RGPD1: variants seen among roughly 807,000 people sequenced by gnomAD.
RGPD1 encodes the protein RANBP2 like and GRIP domain containing 1.
Under a neutral mutation model 40.6 loss-of-function variants are expected in RGPD1, and 7 were observed. The observed-to-expected ratio is 0.17, with a 90% CI of 0.10 to 0.32. The LOEUF (loss-of-function observed/expected upper bound fraction) is 0.32. RGPD1 is among the 10% of genes least tolerant of loss of function. RGPD1 has a pLI of 1.00. For missense variants in RGPD1, 50 were observed against 472.5 expected, an observed-to-expected ratio of 0.11 and a Z score of 8.29; for synonymous variants, 24 against 167.0, an observed-to-expected ratio of 0.14 and a Z score of 6.60.
At chr2:86,920,172 C>T (rs1236207166) in intron 1 of RGPD1, among the ~76,000 whole-genome samples, 6 of 151,874 alleles carry the variant, frequency 4.0e-5, no homozygotes, top group African/African-American at 9.7e-5. Context: ...TAAGTTGAAG[C>T]GATTCTTGTG....
At chr2:86,949,767 T>C (rs1680522614) in intron 1 of RGPD1, among the ~76,000 whole-genome samples, 1 of 42,760 alleles carries the variant, frequency 2.3e-5, no homozygotes, top group Non-Finnish European at 4.8e-5. Context: ...TATCAGCTTT[T>C]TTTTTTTTTT....
At chr2:86,914,319 CCTCGGCCTGGCCG>C (rs1183894332) in intron 1 of RGPD1, among the ~76,000 whole-genome samples, 3 of 51,744 alleles carry the variant, frequency 5.8e-5, no homozygotes, top group Non-Finnish European at 1.1e-4. Flanking sequence ...GCGGCGGCGG[CCTCGGCCTGGCCG>C]GGCGGCGGCG....
Position 86,942,289 on chromosome 2 carries a change from C to A in RGPD1, c.53C>A (p.Ser18Tyr), listed in dbSNP as rs1573605939. 2.5e-6 allele frequency: 4 copies of A among 1,602,828 alleles called. No homozygotes were observed. The change falls in exon 1 of 23, where the codon TCC (serine) becomes TAC (tyrosine). Residue 18 changes from serine (S) to tyrosine (Y), a missense_variant. Coordinates refer to ENST00000641458, the MANE Select transcript of RGPD1 (RefSeq NM_001382344.1). ...CGGTACGTCGCCTCGGTGCAGGGCT[C>A]CGCCCCGTCGCCTGGAAAGGTGAGT... ...GERYVASVQG[S>Y]APSPGKKLRG...
chr2:86,928,358 A>G (rs955822073), intron 1 of RGPD1, among the ~76,000 whole-genome samples: 2 of 152,166 alleles, frequency 1.3e-5, no homozygotes, highest in African/African-American at 4.8e-5. Flanking sequence ...AGAATAAATT[A>G]GAGGGGTAAT....
chr2:86,925,795 C>T (rs1296591376), intron 1 of RGPD1, among the ~76,000 whole-genome samples: 5 of 152,034 alleles, frequency 3.3e-5, no homozygotes, highest in Admixed American at 1.3e-4. Context: ...GTCTCGAACT[C>T]CTGGGCTCCA....
In RGPD1 at chr2:86,943,181, C is replaced by T. The variant is rs539757672; in HGVS notation, c.72+873C>T. On this transcript the variant is annotated intron_variant, in intron 1 of 22. Transcript: ENST00000641458. ...GGACATTTGCAGTGGCCCGACGGCG[C>T]AAATGACAGGGGAAGTCCCCTTGTT... Among the ~76,000 whole-genome samples, 17 of 151,130 alleles carry T rather than the reference C, an allele frequency of 1.1e-4. No homozygotes were observed. The South Asian group carries it at 3.6e-3, about 32-fold the overall frequency.
intron 1 of RGPD1, among the ~76,000 whole-genome samples, chr2:86,945,611 C>G (rs1680292295): frequency 6.6e-6 from 1 of 152,180 alleles, no homozygotes; most frequent in African/African-American, 2.4e-5. Flanking sequence ...TGTACTCCCT[C>G]ACATGTGCTT....
At chr2:86,928,769 T>TA (rs1678689982) in intron 1 of RGPD1, among the ~76,000 whole-genome samples, 1 of 152,206 alleles carries the variant, frequency 6.6e-6, no homozygotes, top group Non-Finnish European at 1.5e-5. Flanking sequence ...TTAGCATTGA[T>TA]AGAGTTGGAT....
chr2:86,931,147 A>G (rs1281963063), intron 1 of RGPD1, among the ~76,000 whole-genome samples: 4 of 138,098 alleles, frequency 2.9e-5, no homozygotes, highest in Non-Finnish European at 6.2e-5. Flanking sequence ...TCTCAGCTCC[A>G]TGATATACTC....
intron 1 of RGPD1, chr2:86,913,971 C>T (rs749094169): frequency 1.7e-6 from 2 of 1,164,714 alleles, no homozygotes; most frequent in East Asian, 1.2e-4. Flanking sequence ...GGGGCGGTGG[C>T]CTCGACCTGG....
intron 1 of RGPD1, among the ~76,000 whole-genome samples, chr2:86,947,712 C>T (rs1425302648): frequency 7.2e-6 from 1 of 139,828 alleles, no homozygotes; most frequent in Non-Finnish European, 1.6e-5. Context: ...ATTTCCTTAC[C>T]CTTATGTTCC....
chr2:86,938,983 A>G (rs1362106696), upstream of RGPD1, among the ~76,000 whole-genome samples: 1 of 118,878 alleles, frequency 8.4e-6, no homozygotes, highest in African/African-American at 3.2e-5. Flanking sequence ...GTAGTGCAAT[A>G]AAATGAGGTA....
intron 1 of RGPD1, among the ~76,000 whole-genome samples, chr2:86,931,728 T>TTCCC (rs1678980080): frequency 6.6e-6 from 1 of 151,598 alleles, no homozygotes; most frequent in Non-Finnish European, 1.5e-5. Flanking sequence ...CCAAGTAGTT[T>TTCCC]CTAAAGAGAG....
chr2:86,924,767 TTTTAA>T (rs762854423), intron 1 of RGPD1, among the ~76,000 whole-genome samples: 106 of 151,854 alleles, frequency 7.0e-4, no homozygotes, highest in Non-Finnish European at 1.2e-3. Flanking sequence ...TTTTAATTTC[TTTTAA>T]TTTAATTTAA....
chr2:86,955,988 G>A (rs1680702973), intron 4 of RGPD1, among the ~76,000 whole-genome samples: 1 of 150,746 alleles, frequency 6.6e-6, no homozygotes, highest in South Asian at 2.1e-4. Context: ...TTAATAACTT[G>A]AAGGCACTGT....
At chr2:86,960,242 G>T (rs1680880548) in intron 6 of RGPD1, among the ~76,000 whole-genome samples, 1 of 83,894 alleles carries the variant, frequency 1.2e-5, no homozygotes, top group Admixed American at 1.1e-4. Context: ...GCTTAGGGTG[G>T]TGGGTGACAG....
intron 22 of RGPD1, among the ~76,000 whole-genome samples, chr2:86,998,524 A>C (rs1681874664): frequency 2.8e-5 from 1 of 35,716 alleles, no homozygotes; most frequent in African/African-American, 2.4e-4. Flanking sequence ...AAAAAAAAAA[A>C]AAAAAAAAAA....
At chr2:86,964,468 GA>G (rs1358527061) in intron 7 of RGPD1, among the ~76,000 whole-genome samples, 1 of 26,726 alleles carries the variant, frequency 3.7e-5, no homozygotes, top group Non-Finnish European at 6.4e-5. Context: ...CTTGGGGAGG[GA>G]AAAAAAAGGA....
Position 86,924,082 on chromosome 2 carries a change from A to AT in RGPD1, c.72+10173dup, listed in dbSNP as rs879715805. Among the ~76,000 whole-genome samples, 280 of 66,964 alleles carry AT rather than the reference A, an allele frequency of 4.2e-3. 2 individuals are homozygous for AT. Among genetic ancestry groups the AT allele is most frequent in the South Asian group, 0.013 (20 of 1,578 alleles). 43.9% of individuals were successfully genotyped at this position (66,964 alleles called of 152,430 possible). A position where few individuals can be genotyped will look rare whatever the true frequency, so the allele number is the denominator to read the frequency against. On this transcript the variant is annotated intron_variant, in intron 1 of 22. Transcript: ENST00000398193. The stretch of plus-strand genomic sequence containing the variant: ...GCTGGTAGATATCTAGGCTATTTCC[A>AT]TTTTTTTTTTTTAAGTCATGAATAA...
Sources: allele counts gnomAD v4.1 joint callset (sites outside exome capture counted in the v4.1 genomes callset), GRCh38; gene constraint gnomAD v4.1.1; transcripts MANE v1.5; gene names NCBI Gene and HGNC (gene_info 2026-07-23, HGNC 2026-07-21).